The following PPFIA2 variants were observed in gnomAD, a reference collection of about 807,000 sequenced individuals.
The protein encoded by PPFIA2 is PPFI scaffold protein A2.
Under a neutral mutation model 175.5 loss-of-function variants are expected in PPFIA2, and 46 were observed. The observed-to-expected ratio is 0.26, with a 90% CI of 0.21 to 0.34. The LOEUF (loss-of-function observed/expected upper bound fraction) is 0.34, where lower values mean the gene tolerates loss of function less well. PPFIA2 is among the 10% of genes least tolerant of loss of function. PPFIA2 has a pLI of 1.00. For synonymous variants in PPFIA2, 568 were observed against 511.4 expected, an observed-to-expected ratio of 1.11 and a Z score of -1.49; for missense variants, 1,179 against 1,506.1, an observed-to-expected ratio of 0.78 and a Z score of 3.60.
chr12:81,715,199 T>C (rs1462779427), intron 3 of PPFIA2, among the ~76,000 whole-genome samples: 1 of 147,258 alleles, frequency 6.8e-6, no homozygotes, highest in Non-Finnish European at 1.5e-5. Context: ...ACACAATTTG[T>C]ACATAGGATT....
At chr12:81,481,468 A>G (rs2058213539) in intron 4 of PPFIA2, among the ~76,000 whole-genome samples, 1 of 152,176 alleles carries the variant, frequency 6.6e-6, no homozygotes, top group South Asian at 2.1e-4. Context: ...AGCTGGACAC[A>G]TCATGCTACC....
At chr12:81,642,702 A>ATGTATATAATATATACATACAT (rs1567687280) in intron 4 of PPFIA2, among the ~76,000 whole-genome samples, 1 of 7,396 alleles carries the variant, frequency 1.4e-4, no homozygotes, top group Non-Finnish European at 3.7e-4. Context: ...ACATACATGT[A>ATGTATATAATATATACATACAT]TATGTATGTA....
chr12:81,730,231 C>G (rs1189815123), intron 3 of PPFIA2, among the ~76,000 whole-genome samples: 1 of 151,508 alleles, frequency 6.6e-6, no homozygotes, highest in East Asian at 1.9e-4. Flanking sequence ...ATAAATTGAG[C>G]CTGGCTAAAT....
chr12:81,283,187 A>G (rs1468026395), intron 25 of PPFIA2, 148 bp from the exon 26 acceptor site: 1 of 700,550 alleles, frequency 1.4e-6, no homozygotes, highest in East Asian at 2.8e-5. Flanking sequence ...TCATAGACCC[A>G]CAGTGATCAA....
At chr12:81,567,125 C>A (rs1430436428) in intron 4 of PPFIA2, among the ~76,000 whole-genome samples, 3 of 152,238 alleles carry the variant, frequency 2.0e-5, no homozygotes, top group Admixed American at 6.5e-5. Flanking sequence ...CGGCTCACTG[C>A]AAGCTCTGCC....
chr12:81,419,190 A>G (rs2045841178), intron 7 of PPFIA2, among the ~76,000 whole-genome samples: 3 of 152,152 alleles, frequency 2.0e-5, no homozygotes, highest in South Asian at 4.1e-4. Flanking sequence ...ACTGATTAAG[A>G]TTATGATTTG....
intron 4 of PPFIA2, among the ~76,000 whole-genome samples, chr12:81,536,339 G>T (rs540931240): frequency 4.0e-5 from 6 of 151,444 alleles, no homozygotes; most frequent in Non-Finnish European, 7.4e-5. Flanking sequence ...ATTACATATA[G>T]CCTGTATTTT....
At chr12:81,610,187 T>A (rs147954554) in intron 4 of PPFIA2, among the ~76,000 whole-genome samples, 36 of 152,302 alleles carry the variant, frequency 2.4e-4, no homozygotes, top group South Asian at 6.2e-4. Flanking sequence ...TATCTCTAGC[T>A]GCCTTTAAGA....
At chr12:81,370,228 A>G (rs972171103) in intron 11 of PPFIA2, among the ~76,000 whole-genome samples, 4 of 151,828 alleles carry the variant, frequency 2.6e-5, no homozygotes, top group Non-Finnish European at 4.4e-5. Context: ...AAGATAAAAA[A>G]ACTAAGCCTG....
chr12:81,733,692 T>TCTA (rs1352409358), intron 3 of PPFIA2, among the ~76,000 whole-genome samples: 1 of 151,740 alleles, frequency 6.6e-6, no homozygotes, highest in Non-Finnish European at 1.5e-5. Context: ...TTCTTCCTAT[T>TCTA]CTACTACACT....
intron 22 of PPFIA2, among the ~76,000 whole-genome samples, chr12:81,304,908 G>T (rs1030955295): frequency 2.0e-5 from 3 of 151,992 alleles, no homozygotes; most frequent in African/African-American, 7.2e-5. Context: ...GGCTGTTGAG[G>T]ATAGCACGGA....
At chr12:81,640,997 T>C (rs748557394) in intron 4 of PPFIA2, among the ~76,000 whole-genome samples, 24 of 152,128 alleles carry the variant, frequency 1.6e-4, no homozygotes, top group African/African-American at 5.8e-4. Flanking sequence ...TAATTGCACA[T>C]ATTTATAGGA....
At chr12:81,654,385 C>CCTACTAATAAACTACTAAAAA (rs1282259182) in intron 4 of PPFIA2, among the ~76,000 whole-genome samples, 25 of 151,862 alleles carry the variant, frequency 1.6e-4, no homozygotes, top group African/African-American at 6.0e-4. Context: ...ATTTTAAAAG[C>CCTACTAATAAACTACTAAAAA]CTACTAACAT....
At position 81,347,644 on chromosome 12, in the gene PPFIA2, A is replaced by C. The variant is rs575846314; in HGVS notation, c.2121T>G (p.Ser707=). ...RVHPGTSITA[S]VTASSLASSS... ...AACTGGCCAGCGATGAAGCTGTAAC[A>C]GAGGCAGTAATGGAGGTACCTGGGT... Residue 707 remains serine, a synonymous_variant, in exon 18 of 33, where the codon TCT becomes TCG. Transcript: ENST00000549396. 2 of 1,613,848 alleles carry C rather than the reference A, an allele frequency of 1.2e-6. No homozygotes were observed. The highest frequency in any genetic ancestry group is 2.2e-5 in the South Asian group (2 of 91,078).
chr12:81,470,870 A>T (rs2056600619), intron 4 of PPFIA2, among the ~76,000 whole-genome samples: 1 of 152,140 alleles, frequency 6.6e-6, no homozygotes, highest in Non-Finnish European at 1.5e-5. Flanking sequence ...ATCTTGCACA[A>T]TTGTAATTTT....
At chr12:81,320,753 T>G (rs1299063983) in intron 22 of PPFIA2, among the ~76,000 whole-genome samples, 3 of 152,056 alleles carry the variant, frequency 2.0e-5, no homozygotes, top group Non-Finnish European at 2.9e-5. Flanking sequence ...TCAATGGATA[T>G]TCTATCAATT....
chr12:81,382,572 TAC>T lies in PPFIA2; in HGVS notation c.984+1449_984+1450del, dbSNP rs1477107124. Among the ~76,000 whole-genome samples the T allele has an allele frequency of 5.3e-5, 8 of 152,148 alleles. 1 individual carries two copies. The highest frequency in any genetic ancestry group is 5.2e-4 in the Admixed American group (8 of 15,248). On this transcript the variant is annotated intron_variant, in intron 9 of 32. Transcript: ENST00000549396. ...TTCTGAGAAGAGGTCCCATTATGAA[TAC>T]TTTGAAATTGTAAATAACAGGATTT...
At chr12:81,458,225 C>A (rs1292323980) in intron 4 of PPFIA2, among the ~76,000 whole-genome samples, 1 of 152,056 alleles carries the variant, frequency 6.6e-6, no homozygotes. Flanking sequence ...TCCTATACAG[C>A]AATGTTTATA....
At chr12:81,473,687 A>T (rs2057085982) in intron 4 of PPFIA2, among the ~76,000 whole-genome samples, 1 of 152,328 alleles carries the variant, frequency 6.6e-6, no homozygotes, top group South Asian at 2.1e-4. Flanking sequence ...CTGTTCTGGA[A>T]TTGTAAATTT....
Sources: allele counts gnomAD v4.1 joint callset (sites outside exome capture counted in the v4.1 genomes callset), GRCh38; gene constraint gnomAD v4.1.1; transcripts MANE v1.5; gene names NCBI Gene and HGNC (gene_info 2026-07-23, HGNC 2026-07-21).